PIK3R5: variants seen among roughly 807,000 people sequenced by gnomAD.
PIK3R5 encodes phosphoinositide-3-kinase regulatory subunit 5, also known as phosphoinositide 3-kinase regulatory subunit 5.
In PIK3R5, 32 loss-of-function variants were observed where a neutral mutation model predicts 94.9. The observed-to-expected ratio is 0.34, with a 90% CI of 0.25 to 0.45. PIK3R5 has a LOEUF of 0.45. PIK3R5 is among the 20% of genes least tolerant of loss of function. The probability of loss-of-function intolerance (pLI) is 1.00; values close to 1 mark genes in which losing one functional copy is unlikely to be tolerated. For missense variants in PIK3R5, 853 were observed against 1,144.6 expected, an observed-to-expected ratio of 0.75 and a Z score of 3.68; for synonymous variants, 443 against 479.4, an observed-to-expected ratio of 0.92 and a Z score of 0.99.
In PIK3R5 at chr17:8,911,985, G is replaced by C. The variant is rs2090536765; in HGVS notation, c.-13-478C>G. 6.6e-6 allele frequency: 1 copy of C among 152,548 alleles called. No individual in the cohort carries two copies. Among genetic ancestry groups the C allele is most frequent in the Non-Finnish European group, 1.5e-5 (1 of 68,300 alleles). The allele number at this position is 152,548 out of a possible 1,614,324, so 9.4% of individuals were successfully genotyped here. A position where few individuals can be genotyped will look rare whatever the true frequency, so the allele number is the denominator to read the frequency against. On this transcript the variant is annotated intron_variant, in intron 1 of 18. Transcript: ENST00000447110. This position sits in a 1 kb window ranked among gnomAD's most constrained non-coding sequence, Gnocchi z 5.3. ...AAGGCCACAGCAACTCCCTCAATAT[G>C]CTTGGAGGGAGCTCCCTCTGATTGG...
chr17:8,891,326 G>A (rs115088753), intron 6 of PIK3R5, among the ~76,000 whole-genome samples: 1,591 of 152,268 alleles, frequency 0.01, 34 homozygotes, highest in African/African-American at 0.036. Flanking sequence ...ACAGCAACGT[G>A]GTGCTGTGCA....
In PIK3R5 at chr17:8,909,250, G is replaced by A; in HGVS notation, c.104-76C>T. The A allele has an allele frequency of 1.2e-6, 1 of 834,128 alleles. No homozygotes were observed. Among genetic ancestry groups the A allele is most frequent in the Non-Finnish European group, 2.0e-6 (1 of 509,110 alleles). 51.7% of individuals were successfully genotyped at this position (834,128 alleles called of 1,614,324 possible). A position where few individuals can be genotyped will look rare whatever the true frequency, so the allele number is the denominator to read the frequency against. On this transcript the variant is annotated intron_variant, in intron 2 of 18. Transcript: ENST00000447110. This position sits in a 1 kb window ranked among gnomAD's most constrained non-coding sequence, Gnocchi z 4.3. The stretch of plus-strand genomic sequence containing the variant: ...ACTCAGGCAGGGGCTGTAAAGAAGG[G>A]GCATTTATGCTGGAACATTTTTCTG...
intron 1 of PIK3R5, among the ~76,000 whole-genome samples, chr17:8,931,312 G>C (rs1017639975): frequency 2.6e-4 from 40 of 152,114 alleles, no homozygotes; most frequent in African/African-American, 9.7e-4. Flanking sequence ...CCCAAAAGAA[G>C]GGGTGCTTTC....
rs1194856379 is a variant in PIK3R5, at chr17:8,884,846, T to A, written c.2129-63A>T. On this transcript the variant is annotated intron_variant, in intron 14 of 18. Coordinates refer to ENST00000447110, the MANE Select transcript of PIK3R5 (RefSeq NM_001142633.3). This position sits in a 1 kb window ranked among gnomAD's most constrained non-coding sequence, Gnocchi z 5.8. ...CTTCCCCGGCTCCTCACGAACGCAG[T>A]GGCCTTGCCTCCCTGGGCCTTACCT... The A allele has an allele frequency of 1.2e-5, 17 of 1,429,852 alleles. No homozygotes were observed. In the East Asian group the frequency reaches 3.6e-4, roughly 31 times the overall value. The allele number at this position is 1,429,852 out of a possible 1,614,324, so 88.6% of individuals were successfully genotyped here.
intron 6 of PIK3R5, among the ~76,000 whole-genome samples, chr17:8,891,798 G>T (rs1270815329): frequency 2.0e-4 from 31 of 151,650 alleles, no homozygotes; most frequent in Non-Finnish European, 4.1e-4. Context: ...TAGAGACAGG[G>T]TTTCAATGTG....
Position 8,881,932 on chromosome 17 carries a change from G to A in PIK3R5, c.2206-51C>T. ...TCTGAGTCCAGAGGCCCCGGTGCCT[G>A]CTGCCTTCTCTTTGAAGGCCCATCA... On this transcript the variant is annotated intron_variant, in intron 15 of 18. Coordinates refer to ENST00000447110, the MANE Select transcript of PIK3R5 (RefSeq NM_001142633.3). The surrounding 1 kb of genome is among the most constrained non-coding windows in gnomAD (Gnocchi z 4.8). The A allele has an allele frequency of 2.8e-6, 4 of 1,410,148 alleles. No individual in the cohort carries two copies. Among genetic ancestry groups the A allele is most frequent in the Non-Finnish European group, 4.0e-6 (4 of 1,006,780 alleles). The allele number at this position is 1,410,148 out of a possible 1,614,324, so 87.4% of individuals were successfully genotyped here. A position where few individuals can be genotyped will look rare whatever the true frequency, so the allele number is the denominator to read the frequency against.
intron 1 of PIK3R5, among the ~76,000 whole-genome samples, chr17:8,917,879 AAAAG>A (rs751405075): frequency 6.6e-6 from 1 of 152,198 alleles, no homozygotes; most frequent in Non-Finnish European, 1.5e-5. Flanking sequence ...AAAAGAAAAA[AAAAG>A]AAAGAAATCT....
At chr17:8,913,146 G>A (rs1024978384) in intron 1 of PIK3R5, among the ~76,000 whole-genome samples, 3 of 152,186 alleles carry the variant, frequency 2.0e-5, no homozygotes, top group Non-Finnish European at 4.4e-5. Flanking sequence ...GGGACAAGTG[G>A]GGACCCCCCT....
chr17:8,947,168 G>T (rs2091288225), intron 1 of PIK3R5, among the ~76,000 whole-genome samples: 2 of 152,148 alleles, frequency 1.3e-5, no homozygotes, highest in African/African-American at 4.8e-5. Context: ...TGAACCTAGA[G>T]CCAAGGTTTA....
At chr17:8,946,242 G>A (rs535434967) in intron 1 of PIK3R5, among the ~76,000 whole-genome samples, 1 of 151,960 alleles carries the variant, frequency 6.6e-6, no homozygotes, top group South Asian at 2.1e-4. Context: ...TCTGGTGTGA[G>A]TGCCAGCCGC....
intron 1 of PIK3R5, among the ~76,000 whole-genome samples, chr17:8,964,669 C>T (rs1488898529): frequency 6.6e-6 from 1 of 152,162 alleles, no homozygotes; most frequent in East Asian, 1.9e-4. Context: ...CAAGAGAGCC[C>T]TACCTGCAGT....
rs758196841 is a variant in PIK3R5 at position 8,904,832 on chromosome 17, G to A, written c.357C>T (p.Tyr119=). 63 of 1,614,032 alleles carry A rather than the reference G, an allele frequency of 3.9e-5. No individual in the cohort carries two copies. Among genetic ancestry groups the A allele is most frequent in the Non-Finnish European group, 5.2e-5 (61 of 1,180,030 alleles). ...YHRFLTWPVP[Y]CSICQELLTF... ...TGAGCAGCTCCTGGCAGATGCTGCA[G>A]TAAGGAACAGGCCAGGTCAGGAACC... Residue 119 remains tyrosine (Y), a synonymous_variant, in exon 5 of 19, where the codon TAC becomes TAT. Coordinates refer to ENST00000447110, the MANE Select transcript of PIK3R5 (RefSeq NM_001142633.3). The surrounding 1 kb of genome is among the most constrained non-coding windows in gnomAD (Gnocchi z 5.1).
At chr17:8,901,596 T>G (rs1226545079) in intron 5 of PIK3R5, among the ~76,000 whole-genome samples, 1 of 152,224 alleles carries the variant, frequency 6.6e-6, no homozygotes, top group Non-Finnish European at 1.5e-5. Context: ...CTGTTCTGTG[T>G]GTGTTTAATG....
Position 8,893,723 on chromosome 17 carries a change from G to A in PIK3R5, c.413-68C>T, listed in dbSNP as rs1024149171. ...TTCAGCATCGTCCGTGTGCCTCGTG[G>A]GGAGCCAAGCACTGGACAATCAGGT... On this transcript the variant is annotated intron_variant, in intron 5 of 18. Transcript: ENST00000447110. The surrounding 1 kb of genome is among the most constrained non-coding windows in gnomAD (Gnocchi z 5.1). The A allele has an allele frequency of 7.3e-6, 9 of 1,228,442 alleles. No homozygotes were observed. The African/African-American group carries it at 1.3e-4, about 18-fold the overall frequency. 76.1% of individuals were successfully genotyped at this position (1,228,442 alleles called of 1,614,324 possible).
chr17:8,918,751 C>A (rs1046453701), intron 1 of PIK3R5, among the ~76,000 whole-genome samples: 7 of 152,056 alleles, frequency 4.6e-5, no homozygotes, highest in African/African-American at 1.7e-4. Context: ...AAGGGGAAAA[C>A]AAGAACTTCT....
Position 8,880,700 on chromosome 17 carries a change from G to A in PIK3R5, c.2582C>T (p.Ala861Val), listed in dbSNP as rs752058692. 5.0e-6 allele frequency: 8 copies of A among 1,613,816 alleles called. No individual in the cohort carries two copies. The highest frequency in any genetic ancestry group is 6.8e-6 in the Non-Finnish European group (8 of 1,179,944). The part of the protein sequence containing the change: ...QTPPDLPAQA[A>V]PDLCSLLCLP... ...GCAGAGAAGGGAGCAGAGATCAGGT[G>A]CGGCCTGGGCCGGCAGGTCAGGAGG... The change falls in exon 19 of 19, where the codon GCA (alanine) becomes GTA (valine). Residue 861 changes from alanine (A) to valine (V), a missense_variant. By Grantham distance (64) the Ala-to-Val change is moderately conservative (BLOSUM62 0). This residue lies in a region of PIK3R5 where 91 missense variants were observed against 90.5 expected (regional missense o/e 1.01). Transcript: ENST00000447110.
rs1313947760 is a variant in PIK3R5, at chr17:8,935,512, A to G, written c.-13-24005T>C. Among the ~76,000 whole-genome samples, 1 of 152,120 alleles carries G rather than the reference A, an allele frequency of 6.6e-6. No individual in the cohort carries two copies. The highest frequency in any genetic ancestry group is 1.5e-5 in the Non-Finnish European group (1 of 68,014). On this transcript the variant is annotated intron_variant, in intron 1 of 18. Coordinates refer to ENST00000447110, the MANE Select transcript of PIK3R5 (RefSeq NM_001142633.3). The surrounding 1 kb of genome is among the most constrained non-coding windows in gnomAD (Gnocchi z 4.5). ...TCCTTGTTTCCTCTGCCAGAGGCCA[A>G]AGGAAGAGATTCAGGTCAGAACCCA...
Position 8,888,634 on chromosome 17 carries a change from C to T in PIK3R5, c.1153G>A (p.Asp385Asn). 6.2e-7 allele frequency: 1 copy of T among 1,613,406 alleles called. No homozygotes were observed. The highest frequency in any genetic ancestry group is 1.3e-5 in the African/African-American group (1 of 75,068). The change falls in exon 10 of 19, where the codon GAT becomes AAT. Residue 385 changes from aspartate to asparagine, a missense_variant. This residue lies in a region of PIK3R5 where 319 missense variants were observed against 339.8 expected (regional missense o/e 0.94). Coordinates refer to ENST00000447110, the MANE Select transcript of PIK3R5 (RefSeq NM_001142633.3). This position sits in a 1 kb window ranked among gnomAD's most constrained non-coding sequence, Gnocchi z 7.8. ...TCCACGTAGCCGCTGTCCATGCCAT[C>T]AGAGAGGCCTGAGACAAAGGAAGTC... ...LLTSFVSGLS[D>N]GMDSGYVEDS...
intron 1 of PIK3R5, among the ~76,000 whole-genome samples, chr17:8,922,398 A>T (rs909144545): frequency 3.9e-5 from 6 of 152,158 alleles, no homozygotes; most frequent in Admixed American, 3.9e-4. Context: ...TATCATAATT[A>T]TTCACATTTC....
Sources: allele counts gnomAD v4.1 joint callset (sites outside exome capture counted in the v4.1 genomes callset), GRCh38; gene constraint gnomAD v4.1.1; regional missense constraint gnomAD v4.1.1; non-coding constraint Gnocchi (gnomAD v3.1); transcripts MANE v1.5; gene names NCBI Gene and HGNC (gene_info 2026-07-23, HGNC 2026-07-21).